ACTR3C: variants seen among roughly 807,000 people sequenced by gnomAD.
ACTR3C encodes the protein actin related protein 3C, also known as actin-related protein 3C.
In ACTR3C, 18 loss-of-function variants were observed where a neutral mutation model predicts 26.3. The observed-to-expected ratio is 0.68, with a 90% CI of 0.47 to 1.01. ACTR3C has a LOEUF of 1.01. Ranked by LOEUF, ACTR3C falls within the 50% of genes least tolerant of loss-of-function variation. The probability of loss-of-function intolerance (pLI) is 0.00; values close to 1 mark genes in which losing one functional copy is unlikely to be tolerated. For missense variants in ACTR3C, 184 were observed against 250.7 expected (o/e 0.73, Z 1.80); for synonymous variants, 55 against 94.5 (o/e 0.58, Z 2.42).
the ACTR3C span, among the ~76,000 whole-genome samples, chr7:150,064,669 C>G: frequency 6.6e-6 from 1 of 151,824 alleles, no homozygotes; most frequent in Non-Finnish European, 1.5e-5. Context: ...CACACACACA[C>G]ACACACACAC....
At chr7:150,250,198 C>T in intron 6 of ACTR3C, among the ~76,000 whole-genome samples, 2 of 139,534 alleles carry the variant, frequency 1.4e-5, no homozygotes, top group Non-Finnish European at 1.5e-5. Flanking sequence ...ATGACAGAAT[C>T]TGACTTTTTT....
At chr7:150,136,025 T>C in the ACTR3C span, among the ~76,000 whole-genome samples, 2 of 152,064 alleles carry the variant, frequency 1.3e-5, no homozygotes, top group Non-Finnish European at 2.9e-5. Flanking sequence ...CCACAGGATG[T>C]TGGCGCCGGT....
chr7:150,173,770 G>A, the ACTR3C span, among the ~76,000 whole-genome samples: 15 of 144,772 alleles, frequency 1.0e-4, no homozygotes, highest in African/African-American at 3.7e-4. Flanking sequence ...CCTCTTGAAT[G>A]TTTTGCTGCT....
At chr7:149,994,408 G>T in the ACTR3C span, among the ~76,000 whole-genome samples, 1 of 152,256 alleles carries the variant, frequency 6.6e-6, no homozygotes, top group African/African-American at 2.4e-5. Flanking sequence ...GACCAGCATA[G>T]CCAACATGGT....
the ACTR3C span, among the ~76,000 whole-genome samples, chr7:149,899,196 A>G: frequency 6.6e-6 from 1 of 152,076 alleles, no homozygotes; most frequent in Non-Finnish European, 1.5e-5. Flanking sequence ...TTTCCACTTT[A>G]AAACTCTCAC....
chr7:150,213,348 C>T, the ACTR3C span, among the ~76,000 whole-genome samples: 6 of 152,022 alleles, frequency 3.9e-5, no homozygotes, highest in South Asian at 2.1e-4. Flanking sequence ...TGCCATGTCC[C>T]GTAGCCTGTG....
the ACTR3C span, among the ~76,000 whole-genome samples, chr7:149,921,520 CTTT>C: frequency 6.6e-6 from 1 of 152,208 alleles, no homozygotes; most frequent in African/African-American, 2.4e-5. Context: ...AAAATTACTT[CTTT>C]GTTCTTTTGT....
the ACTR3C span, among the ~76,000 whole-genome samples, chr7:150,154,749 G>C: frequency 3.3e-5 from 5 of 152,154 alleles, no homozygotes; most frequent in African/African-American, 1.2e-4. Context: ...GTATTTGGAA[G>C]CTGCTCCTCT....
chr7:150,131,150 C>CA, the ACTR3C span, among the ~76,000 whole-genome samples: 1 of 151,904 alleles, frequency 6.6e-6, no homozygotes, highest in African/African-American at 2.4e-5. Flanking sequence ...AAAGATGACA[C>CA]AAAAAAGTAT....
At chr7:150,014,548 T>C in the ACTR3C span, among the ~76,000 whole-genome samples, 4 of 151,962 alleles carry the variant, frequency 2.6e-5, no homozygotes, top group African/African-American at 4.8e-5. Flanking sequence ...CCTCAAGGCT[T>C]GTGGAGGCTG....
chr7:150,255,959 C>A (rs897340529), intron 6 of ACTR3C, among the ~76,000 whole-genome samples: 1 of 152,304 alleles, frequency 6.6e-6, no homozygotes, highest in South Asian at 2.1e-4. Flanking sequence ...CTCCAAGTAA[C>A]AACAATCATG....
At chr7:150,104,732 G>A in the ACTR3C span, among the ~76,000 whole-genome samples, 743 of 152,128 alleles carry the variant, frequency 4.9e-3, 8 homozygotes, top group Non-Finnish European at 7.0e-3. Context: ...TTTTGTCAAT[G>A]GTTCCTTATA....
the ACTR3C span, among the ~76,000 whole-genome samples, chr7:150,017,535 C>T: frequency 2.5e-4 from 38 of 150,240 alleles, 1 homozygote; most frequent in South Asian, 4.0e-3. Flanking sequence ...CCAGGAACAT[C>T]GAAGGGTCCA....
chr7:150,100,560 A>G, the ACTR3C span, among the ~76,000 whole-genome samples: 1 of 151,928 alleles, frequency 6.6e-6, no homozygotes, highest in East Asian at 1.9e-4. Flanking sequence ...AGAAAATATT[A>G]TCATGCCCGG....
the ACTR3C span, among the ~76,000 whole-genome samples, chr7:150,225,066 A>T: frequency 1.3e-5 from 2 of 150,082 alleles, no homozygotes; most frequent in African/African-American, 4.9e-5. Context: ...CGAGCATGCG[A>T]TTGGAATATT....
chr7:149,962,024 C>A, the ACTR3C span, among the ~76,000 whole-genome samples: 1 of 152,120 alleles, frequency 6.6e-6, no homozygotes, highest in Admixed American at 6.5e-5. Flanking sequence ...TGTACACTCA[C>A]AGGAAGTGTG....
the ACTR3C span, among the ~76,000 whole-genome samples, chr7:150,038,279 A>G: frequency 6.9e-6 from 1 of 144,822 alleles, no homozygotes; most frequent in East Asian, 1.9e-4. Context: ...CTAGTTGTTT[A>G]GAGACGTAGG....
chr7:149,972,445 T>C, the ACTR3C span, among the ~76,000 whole-genome samples: 3 of 152,238 alleles, frequency 2.0e-5, no homozygotes, highest in Non-Finnish European at 4.4e-5. Context: ...GCTCCCACAG[T>C]GCTGGTGCAG....
intron 1 of ACTR3C, among the ~76,000 whole-genome samples, chr7:150,300,586 T>A (rs1386322079): frequency 6.6e-6 from 1 of 151,374 alleles, no homozygotes; most frequent in Non-Finnish European, 1.5e-5. Context: ...CAAATCTACC[T>A]ACCAACTAGC....
Sources: allele counts gnomAD v4.1 joint callset (sites outside exome capture counted in the v4.1 genomes callset), GRCh38; gene constraint gnomAD v4.1.1; transcripts MANE v1.5; gene names NCBI Gene and HGNC (gene_info 2026-07-23, HGNC 2026-07-21).